PRICKLE1: variants seen among roughly 807,000 people sequenced by gnomAD.
PRICKLE1 encodes the protein prickle planar cell polarity protein 1, also known as prickle-like protein 1.
Under a neutral mutation model 70.2 loss-of-function variants are expected in PRICKLE1, and 14 were observed. That is an observed-to-expected ratio of 0.20 (90% CI 0.13 to 0.31). PRICKLE1 has a LOEUF of 0.31. PRICKLE1 is among the 10% of genes least tolerant of loss of function. The pLI is 1.00. For missense variants in PRICKLE1, 821 were observed against 1,026.2 expected (o/e 0.80, Z 2.73); for synonymous variants, 357 against 379.9 (o/e 0.94, Z 0.70).
At chr12:42,497,569 C>T (rs1278322234) in intron 1 of PRICKLE1, among the ~76,000 whole-genome samples, 2 of 139,976 alleles carry the variant, frequency 1.4e-5, no homozygotes, top group Non-Finnish European at 3.2e-5. Context: ...AAAAAAAATT[C>T]GATTAAATTT....
At chr12:42,584,810 G>C (rs1940959939) in intron 1 of PRICKLE1, among the ~76,000 whole-genome samples, 2 of 152,210 alleles carry the variant, frequency 1.3e-5, no homozygotes, top group Admixed American at 1.3e-4. Context: ...GAGCAAGAGT[G>C]CTCGGCATGG....
At chr12:42,545,682 C>G (rs865783294) in intron 1 of PRICKLE1, among the ~76,000 whole-genome samples, 15 of 152,056 alleles carry the variant, frequency 9.9e-5, no homozygotes, top group Admixed American at 4.6e-4. Flanking sequence ...AACTCTATCT[C>G]TACTAAAAAT....
At chr12:42,462,684 G>A (rs903994796) in intron 7 of PRICKLE1, among the ~76,000 whole-genome samples, 3 of 152,138 alleles carry the variant, frequency 2.0e-5, no homozygotes, top group Non-Finnish European at 4.4e-5. Flanking sequence ...TCACTGCAGT[G>A]TCTGGCACAA....
intron 1 of PRICKLE1, among the ~76,000 whole-genome samples, chr12:42,527,746 T>C (rs1026612629): frequency 9.9e-5 from 15 of 151,774 alleles, no homozygotes; most frequent in Non-Finnish European, 2.9e-5. Context: ...TCTTCATTTA[T>C]AAAATGGAGA....
At chr12:42,544,387 C>G (rs369255459) in intron 1 of PRICKLE1, among the ~76,000 whole-genome samples, 21 of 152,184 alleles carry the variant, frequency 1.4e-4, no homozygotes, top group African/African-American at 4.6e-4. Flanking sequence ...ACTTTTCCAG[C>G]TAATTTTTGT....
At chr12:42,474,536 A>G (rs1938449909) in intron 1 of PRICKLE1, among the ~76,000 whole-genome samples, 1 of 152,224 alleles carries the variant, frequency 6.6e-6, no homozygotes, top group Non-Finnish European at 1.5e-5. Context: ...TAAACAAGGC[A>G]TCATTTCACA....
chr12:42,588,514 CT>C (rs1274137813), intron 1 of PRICKLE1, among the ~76,000 whole-genome samples: 1,833 of 145,302 alleles, frequency 0.013, 97 homozygotes, highest in Admixed American at 0.1. Context: ...GTTGTTGGTG[CT>C]TTTTTTTTTT....
Position 42,564,212 on chromosome 12 carries a change from C to T in PRICKLE1, c.-49+25253G>A, listed in dbSNP as rs145902679. On this transcript the variant is annotated intron_variant, in intron 1 of 7. Coordinates refer to ENST00000345127, the MANE Select transcript of PRICKLE1 (RefSeq NM_153026.3). ...TGGAGGTTGCAGTGAGCCAAGATCA[C>T]GCCACTGCACTCCAGCTTGGCAACA... Among the ~76,000 whole-genome samples, 804 of 136,222 alleles carry T rather than the reference C, an allele frequency of 5.9e-3. 11 individuals carry two copies. Among genetic ancestry groups the T allele is most frequent in the African/African-American group, 0.022 (756 of 35,066 alleles). The allele number at this position is 136,222 out of a possible 152,430, so 89.4% of individuals were successfully genotyped here.
chr12:42,506,456 C>T (rs759349104), intron 1 of PRICKLE1, among the ~76,000 whole-genome samples: 1 of 151,162 alleles, frequency 6.6e-6, no homozygotes, highest in Non-Finnish European at 1.5e-5. Context: ...GAGGTTTCAC[C>T]ATGTTGGCCA....
At position 42,470,016 on chromosome 12, in the gene PRICKLE1, G is replaced by A. The variant is rs111539888; in HGVS notation, c.246+230C>T. The A allele has an allele frequency of 2.0e-3, 1,072 of 530,662 alleles. 9 individuals are homozygous for A. Among genetic ancestry groups the A allele is most frequent in the African/African-American group, 0.019 (977 of 52,404 alleles). 32.9% of individuals were successfully genotyped at this position (530,662 alleles called of 1,614,324 possible). ...ATTTGTAGGTTCCTGATCATTGGTG[G>A]GTGGCTGCAAACACTATAAAAACCA... On this transcript the variant is annotated intron_variant, in intron 3 of 7. Transcript: ENST00000345127.
At chr12:42,521,883 T>TTTAGTTATCTAA in intron 1 of PRICKLE1, among the ~76,000 whole-genome samples, 1 of 150,886 alleles carries the variant, frequency 6.6e-6, no homozygotes, top group South Asian at 2.1e-4. Context: ...TTGCTTTTGG[T>TTTAGTTATCTAA]TTTAGTTATC....
chr12:42,466,313 A>G lies in PRICKLE1; in HGVS notation c.656T>C (p.Leu219Pro), dbSNP rs1469737110. ...TCCTCCCAGGACCGTTTCACACTCAAGGCAGCAGAAGTGTTTCATGTGCCA... is the reference window on the plus strand; with the variant it reads ...TCCTCCCAGGACCGTTTCACACTCAGGGCAGCAGAAGTGTTTCATGTGCCA... ...RHWHMKHFCCLECETVLGGQR... is the reference protein window; with the variant it reads ...RHWHMKHFCCPECETVLGGQR... The change falls in exon 6 of 8, where the codon CTT becomes CCT. Residue 219 changes from leucine (L) to proline (P), a missense_variant. Physicochemically the swap from Leu to Pro is moderately conservative, Grantham distance 98 (BLOSUM62 -3). Transcript: ENST00000345127. 5.0e-6 allele frequency: 8 copies of G among 1,614,094 alleles called. No homozygotes were observed. Among genetic ancestry groups the G allele is most frequent in the Non-Finnish European group, 3.4e-6 (4 of 1,180,042 alleles).
At chr12:42,539,710 T>C (rs1940076623) in intron 1 of PRICKLE1, among the ~76,000 whole-genome samples, 1 of 152,202 alleles carries the variant, frequency 6.6e-6, no homozygotes, top group Admixed American at 6.5e-5. Context: ...ATAAAGTCAG[T>C]CATTTTTGTA....
intron 7 of PRICKLE1, chr12:42,463,704 G>C (rs1937957739): frequency 1.3e-5 from 2 of 152,968 alleles, no homozygotes; most frequent in African/African-American, 4.8e-5. Flanking sequence ...TGGGCGACAA[G>C]GGCGAAACTC....
rs538739670 is a variant in PRICKLE1, at chr12:42,545,279, A to T, written c.-49+44186T>A. On this transcript the variant is annotated intron_variant, in intron 1 of 7. Transcript: ENST00000345127. ...TTCTTCCCCTCAAAGTGCTGGGATT[A>T]CAGGTGTGAGCCACCATGTCTGGCC... 4.6e-5 allele frequency among the ~76,000 whole-genome samples: 7 copies of T among 152,266 alleles called. No homozygotes were observed. In the East Asian group the frequency reaches 1.4e-3, roughly 29 times the overall value.
chr12:42,565,884 A>G (rs1940613273), intron 1 of PRICKLE1, among the ~76,000 whole-genome samples: 1 of 152,150 alleles, frequency 6.6e-6, no homozygotes, highest in Non-Finnish European at 1.5e-5. Context: ...TCCTGCTTTG[A>G]AGTCTGATTT....
intron 1 of PRICKLE1, among the ~76,000 whole-genome samples, chr12:42,574,479 T>C (rs12321511): frequency 5.6e-4 from 85 of 152,338 alleles, no homozygotes; most frequent in African/African-American, 1.9e-3. Flanking sequence ...TAATTAAAGC[T>C]TGTAAAGCGC....
At chr12:42,575,964 T>C (rs1024992874) in intron 1 of PRICKLE1, among the ~76,000 whole-genome samples, 1 of 152,220 alleles carries the variant, frequency 6.6e-6, no homozygotes, top group Non-Finnish European at 1.5e-5. Flanking sequence ...TCTCTATTCC[T>C]GCCTTTACAA....
intron 1 of PRICKLE1, among the ~76,000 whole-genome samples, chr12:42,502,313 TTTC>T (rs1461490304): frequency 8.3e-6 from 1 of 120,456 alleles, no homozygotes; most frequent in African/African-American, 2.6e-5. Flanking sequence ...TTTCTTTTCT[TTTC>T]TTTTTTTTTG....
Sources: allele counts gnomAD v4.1 joint callset (sites outside exome capture counted in the v4.1 genomes callset), GRCh38; gene constraint gnomAD v4.1.1; transcripts MANE v1.5; gene names NCBI Gene and HGNC (gene_info 2026-07-23, HGNC 2026-07-21).